Variants in OCLN observed in about 807,000 individuals in gnomAD.
The protein encoded by OCLN is phosphatase 1, regulatory subunit 115.
A neutral mutation model predicts 47.9 loss-of-function variants in OCLN; 21 were observed. The observed-to-expected ratio is 0.44, with a 90% CI of 0.31 to 0.63. The LOEUF (loss-of-function observed/expected upper bound fraction) is 0.63. OCLN is among the 30% of genes least tolerant of loss of function. The pLI, the probability that OCLN is intolerant of heterozygous loss-of-function variation, is 0.08. For synonymous variants in OCLN, 117 were observed against 198.4 expected, an observed-to-expected ratio of 0.59 and a Z score of 3.45; for missense variants, 360 against 571.0, an observed-to-expected ratio of 0.63 and a Z score of 3.77.
At chr5:69,501,031 C>T (rs368215305) in intron 1 of OCLN, among the ~76,000 whole-genome samples, 54 of 152,164 alleles carry the variant, frequency 3.5e-4, no homozygotes, top group Middle Eastern at 3.4e-3. Context: ...ATTCTCATGC[C>T]TCAGTTTCTC....
intron 4 of OCLN, among the ~76,000 whole-genome samples, chr5:69,529,298 C>T (rs576991183): frequency 2.0e-4 from 31 of 152,316 alleles, no homozygotes; most frequent in Admixed American, 5.2e-4. Flanking sequence ...TTTTCATTAA[C>T]TCTCCAAGGA....
intron 4 of OCLN, among the ~76,000 whole-genome samples, chr5:69,516,961 G>C (rs1187586607): frequency 1.3e-5 from 2 of 152,180 alleles, no homozygotes; most frequent in African/African-American, 4.8e-5. Flanking sequence ...TCAGGAGGCT[G>C]AGGTGATAGA....
At chr5:69,509,962 G>A (rs1768733646) in intron 3 of OCLN, 143 bp downstream of exon 3, 1 of 725,232 alleles carries the variant, frequency 1.4e-6, no homozygotes, top group East Asian at 2.6e-5. Context: ...GAGGGGCTGA[G>A]TCTCATTAAG....
chr5:69,519,275 T>C (rs1769065000), intron 4 of OCLN, among the ~76,000 whole-genome samples: 1 of 152,232 alleles, frequency 6.6e-6, no homozygotes, highest in Admixed American at 6.5e-5. Flanking sequence ...ATTTTTAGCA[T>C]CTTCAGGATT....
chr5:69,509,094 T>A, intron 2 of OCLN, 47 bp from the exon 3 acceptor site: 1 of 1,500,614 alleles, frequency 6.7e-7, no homozygotes, highest in Non-Finnish European at 9.3e-7. Flanking sequence ...TCTTTCTGCT[T>A]ACTACCAAAA....
chr5:69,517,749 G>C (rs913383201), intron 4 of OCLN, among the ~76,000 whole-genome samples: 5 of 152,162 alleles, frequency 3.3e-5, no homozygotes, highest in Non-Finnish European at 5.9e-5. Flanking sequence ...TCACCACTGA[G>C]ACGATAGTTC....
chr5:69,501,767 G>A (rs1423289183), intron 1 of OCLN, among the ~76,000 whole-genome samples: 2 of 152,156 alleles, frequency 1.3e-5, no homozygotes, highest in African/African-American at 2.4e-5. Context: ...CTTCCTTCAT[G>A]TCTTTGGAAA....
intron 4 of OCLN, among the ~76,000 whole-genome samples, chr5:69,533,606 G>A (rs1769508828): frequency 1.3e-5 from 2 of 152,056 alleles, no homozygotes; most frequent in South Asian, 4.2e-4. Flanking sequence ...TTTAAGAAAG[G>A]GCTTACATTC....
chr5:69,505,378 C>T (rs1465835526), intron 2 of OCLN, among the ~76,000 whole-genome samples: 1 of 152,110 alleles, frequency 6.6e-6, no homozygotes, highest in African/African-American at 2.4e-5. Flanking sequence ...GAACCATCAC[C>T]ACAATTAATT....
intron 3 of OCLN, among the ~76,000 whole-genome samples, chr5:69,512,980 T>C (rs1768827444): frequency 6.6e-6 from 1 of 152,214 alleles, no homozygotes; most frequent in Non-Finnish European, 1.5e-5. Context: ...TACCATTATT[T>C]AGAAGACTGA....
At chr5:69,527,454 G>A (rs1769313497) in intron 4 of OCLN, among the ~76,000 whole-genome samples, 1 of 152,200 alleles carries the variant, frequency 6.6e-6, no homozygotes, top group South Asian at 2.1e-4. Context: ...TCTGTTGGTG[G>A]ATGAGCTGCA....
chr5:69,513,008 G>A (rs902672676), intron 3 of OCLN, among the ~76,000 whole-genome samples: 16 of 152,228 alleles, frequency 1.1e-4, no homozygotes, highest in Middle Eastern at 3.4e-3. Context: ...CCCTGCAGAC[G>A]TAGGTTTTCA....
chr5:69,549,340 C>CAAAAAAAAAAA (rs1172698181), intron 7 of OCLN, among the ~76,000 whole-genome samples: 1 of 51,532 alleles, frequency 1.9e-5, no homozygotes, highest in Non-Finnish European at 3.3e-5. Context: ...GACTCCATCT[C>CAAAAAAAAAAA]AAAAAAAAAA....
chr5:69,497,085 C>T (rs917887975), intron 1 of OCLN, among the ~76,000 whole-genome samples: 28 of 152,150 alleles, frequency 1.8e-4, no homozygotes, highest in African/African-American at 6.8e-4. Flanking sequence ...TAGAAGTCTT[C>T]CAGTCTGGTC....
intron 4 of OCLN, among the ~76,000 whole-genome samples, chr5:69,527,481 A>AT (rs1177798497): frequency 6.6e-6 from 1 of 152,006 alleles, no homozygotes; most frequent in Admixed American, 6.6e-5. Flanking sequence ...TTCTTTTTGT[A>AT]TTTTTTTGTA....
intron 4 of OCLN, among the ~76,000 whole-genome samples, chr5:69,524,291 A>C (rs1769220012): frequency 6.6e-6 from 1 of 152,226 alleles, no homozygotes; most frequent in African/African-American, 2.4e-5. Flanking sequence ...CATCCCACCT[A>C]ATAATTACAA....
chr5:69,504,230 C>T lies in OCLN; in HGVS notation c.-15C>T, dbSNP rs762490441. 1 of 1,596,874 alleles carries T rather than the reference C, an allele frequency of 6.3e-7. No homozygotes were observed. Among genetic ancestry groups the T allele is most frequent in the Middle Eastern group, 1.7e-4 (1 of 6,032 alleles). ...TTGCTCATCCTGAAGATCAGCTGAC[C>T]ATTGACAATCAGCCATGTCATCCAG... On this transcript the variant is annotated 5_prime_UTR_variant, in exon 2 of 9. Transcript: ENST00000396442.
intron 4 of OCLN, among the ~76,000 whole-genome samples, chr5:69,523,511 A>C (rs1199695370): frequency 6.6e-6 from 1 of 152,038 alleles, no homozygotes; most frequent in African/African-American, 2.4e-5. Context: ...TTCTTAGGAA[A>C]AACCTTAATG....
At chr5:69,502,855 C>T (rs138370795) in intron 1 of OCLN, among the ~76,000 whole-genome samples, 61 of 152,318 alleles carry the variant, frequency 4.0e-4, no homozygotes, top group African/African-American at 9.4e-4. Context: ...TCTTCACTTC[C>T]TCATGGATGC....
Sources: allele counts gnomAD v4.1 joint callset (sites outside exome capture counted in the v4.1 genomes callset), GRCh38; gene constraint gnomAD v4.1.1; transcripts MANE v1.5; gene names NCBI Gene and HGNC (gene_info 2026-07-23, HGNC 2026-07-21).